The following SOX5 variants were observed in gnomAD, a reference collection of about 807,000 sequenced individuals.
The protein encoded by SOX5 is transcription factor SOX-5.
SOX5 carries 9 observed loss-of-function variants against 92.0 expected under a neutral mutation model. The ratio of observed to expected loss-of-function variants is 0.10; its 90% CI spans 0.06 to 0.17. The LOEUF is 0.17. Among genes scored for constraint, SOX5 ranks in the 10% least tolerant of loss-of-function variants. SOX5 has a pLI of 1.00. For missense variants in SOX5, 642 were observed against 944.5 expected, an observed-to-expected ratio of 0.68 and a Z score of 4.20; for synonymous variants, 344 against 336.3, an observed-to-expected ratio of 1.02 and a Z score of -0.25.
chr12:24,183,835 A>G (rs1056150560), intron 4 of SOX5, among the ~76,000 whole-genome samples: 1 of 152,136 alleles, frequency 6.6e-6, no homozygotes. Flanking sequence ...CTTAGCAAGT[A>G]ATTTAACTTC....
chr12:23,707,288 C>T (rs2091506912), intron 6 of SOX5, among the ~76,000 whole-genome samples: 1 of 152,084 alleles, frequency 6.6e-6, no homozygotes, highest in African/African-American at 2.4e-5. Context: ...CAATCGTTAG[C>T]AGGTAGCAAC....
intron 9 of SOX5, chr12:23,584,618 G>A (rs1950472339): frequency 6.3e-6 from 10 of 1,597,288 alleles, no homozygotes; most frequent in Non-Finnish European, 2.6e-6. Flanking sequence ...TGTTTAATGA[G>A]TAATGACAGT....
In SOX5 at chr12:24,246,746, A is replaced by G. The variant is rs142457268; in HGVS notation, c.-77+30470T>C. Among the ~76,000 whole-genome samples the G allele has an allele frequency of 3.0e-3, 458 of 152,292 alleles. 3 individuals carry two copies. Among genetic ancestry groups the G allele is most frequent in the African/African-American group, 0.01 (433 of 41,574 alleles). ...ACAAAGACAAAGTATTTTCAACACCATTATAATTGTAGGGAAATGGGCTTT... is the reference window on the plus strand; with the variant it reads ...ACAAAGACAAAGTATTTTCAACACCGTTATAATTGTAGGGAAATGGGCTTT... On this transcript the variant is annotated intron_variant, in intron 3 of 4. Coordinates refer to the SOX5 transcript ENST00000446891.
intron 2 of SOX5, among the ~76,000 whole-genome samples, chr12:24,358,537 A>T (rs1955141270): frequency 6.6e-6 from 1 of 152,054 alleles, no homozygotes. Flanking sequence ...GTGTGAACCC[A>T]AGAGGTGGAG....
chr12:24,358,383 G>A (rs186596048), intron 2 of SOX5, among the ~76,000 whole-genome samples: 2 of 152,274 alleles, frequency 1.3e-5, no homozygotes, highest in African/African-American at 2.4e-5. Context: ...AATCACAAAG[G>A]TGATGCACAG....
intron 3 of SOX5, among the ~76,000 whole-genome samples, chr12:23,780,101 AGATT>A: frequency 6.6e-6 from 1 of 151,794 alleles, no homozygotes; most frequent in South Asian, 2.1e-4. Context: ...ATTCTAATAA[AGATT>A]GATATTGTCA....
At chr12:24,167,922 G>A (rs1953615747) in intron 4 of SOX5, among the ~76,000 whole-genome samples, 1 of 152,144 alleles carries the variant, frequency 6.6e-6, no homozygotes, top group Non-Finnish European at 1.5e-5. Flanking sequence ...GACATTTGCT[G>A]GTTCCTCAAC....
intron 1 of SOX5, among the ~76,000 whole-genome samples, chr12:24,503,605 G>T (rs1186570564): frequency 1.3e-5 from 2 of 152,152 alleles, no homozygotes; most frequent in Non-Finnish European, 2.9e-5. Context: ...ATGGGATAAA[G>T]AAAATGTGGC....
chr12:24,552,401 T>C (rs1283399587), intron 1 of SOX5, among the ~76,000 whole-genome samples: 1 of 152,198 alleles, frequency 6.6e-6, no homozygotes, highest in Non-Finnish European at 1.5e-5. Context: ...GTCACACTTG[T>C]TACAAATGCA....
intron 4 of SOX5, among the ~76,000 whole-genome samples, chr12:24,169,349 A>G (rs1953798027): frequency 6.6e-6 from 1 of 152,226 alleles, no homozygotes; most frequent in Admixed American, 6.5e-5. Context: ...TCAAATCATT[A>G]TTGTCAAAAT....
At chr12:24,146,159 G>A (rs564632557) in intron 4 of SOX5, among the ~76,000 whole-genome samples, 6 of 152,208 alleles carry the variant, frequency 3.9e-5, no homozygotes, top group African/African-American at 1.2e-4. Context: ...TTGGTAGAAC[G>A]TTCTACCCAA....
intron 3 of SOX5, among the ~76,000 whole-genome samples, chr12:23,833,757 GTATACATGTCA>G (rs2096369206): frequency 6.6e-6 from 1 of 151,946 alleles, no homozygotes. Context: ...AAGGATAGGG[GTATACATGTCA>G]GAAGATTGGA....
intron 4 of SOX5, among the ~76,000 whole-genome samples, chr12:24,043,115 G>T (rs1414871498): frequency 6.6e-6 from 1 of 152,112 alleles, no homozygotes; most frequent in African/African-American, 2.4e-5. Context: ...ACCTAAAGAA[G>T]AGATGAATTG....
chr12:24,176,598 A>C (rs988953977), intron 4 of SOX5, among the ~76,000 whole-genome samples: 6 of 152,212 alleles, frequency 3.9e-5, no homozygotes, highest in Non-Finnish European at 8.8e-5. Context: ...TGGTGCAAAT[A>C]ATCATATGGT....
intron 2 of SOX5, among the ~76,000 whole-genome samples, chr12:24,348,262 C>A (rs1024462189): frequency 6.6e-6 from 1 of 152,042 alleles, no homozygotes; most frequent in South Asian, 2.1e-4. Context: ...CATGATAATG[C>A]AGTCCCAAAT....
chr12:23,632,410 CTT>C (rs2078662268), intron 8 of SOX5, among the ~76,000 whole-genome samples: 1 of 152,114 alleles, frequency 6.6e-6, no homozygotes, highest in Admixed American at 6.6e-5. Context: ...AAGATGAACA[CTT>C]AACAAGTATA....
chr12:23,927,047 C>G (rs565143638), intron 1 of SOX5, among the ~76,000 whole-genome samples: 6 of 152,066 alleles, frequency 3.9e-5, no homozygotes, highest in Admixed American at 3.9e-4. Flanking sequence ...TTAGAACAAC[C>G]ACTATTAGAG....
At chr12:23,540,189 G>A (rs73089322) in intron 13 of SOX5, among the ~76,000 whole-genome samples, 57 of 151,740 alleles carry the variant, frequency 3.8e-4, no homozygotes, top group Non-Finnish European at 6.6e-4. Flanking sequence ...TTCATTCCCT[G>A]CTGCTTTCAA....
intron 1 of SOX5, among the ~76,000 whole-genome samples, chr12:24,519,714 T>C (rs539796998): frequency 6.6e-6 from 1 of 152,234 alleles, no homozygotes; most frequent in South Asian, 2.1e-4. Context: ...ACTGTATAAT[T>C]TAGCTATTGA....
Sources: gnomAD v4.1 joint callset for allele counts (sites outside exome capture counted in the v4.1 genomes callset) on GRCh38, gnomAD v4.1.1 for gene constraint, MANE v1.5 for transcripts, NCBI Gene and HGNC (gene_info 2026-07-23, HGNC 2026-07-21) for gene names.